The following ANO4 variants were observed in gnomAD, a reference collection of about 807,000 sequenced individuals.
ANO4 encodes anoctamin 4, also known as anoctamin-4.
In ANO4, 69 loss-of-function variants were observed where a neutral mutation model predicts 141.9. That is an observed-to-expected ratio of 0.49 (90% CI 0.40 to 0.59). The LOEUF (loss-of-function observed/expected upper bound fraction) is 0.59, where lower values mean the gene tolerates loss of function less well. ANO4 is among the 20% of genes least tolerant of loss of function. The pLI is 0.00. For synonymous variants in ANO4, 350 were observed against 394.3 expected, an observed-to-expected ratio of 0.89 and a Z score of 1.33; for missense variants, 894 against 1,162.2, an observed-to-expected ratio of 0.77 and a Z score of 3.36.
At chr12:100,983,628 C>T (rs1400463909) in intron 7 of ANO4, among the ~76,000 whole-genome samples, 1 of 152,186 alleles carries the variant, frequency 6.6e-6, no homozygotes, top group Non-Finnish European at 1.5e-5. Flanking sequence ...GCATTCCTTG[C>T]CTCCTAGCTC....
intron 22 of ANO4, among the ~76,000 whole-genome samples, chr12:101,108,728 T>C (rs1024193192): frequency 6.6e-6 from 1 of 152,158 alleles, no homozygotes; most frequent in African/African-American, 2.4e-5. Context: ...AAATTTTATT[T>C]TTTTATTTTC....
intron 14 of ANO4, among the ~76,000 whole-genome samples, chr12:101,066,159 C>T (rs1267992251): frequency 6.6e-6 from 1 of 152,186 alleles, no homozygotes; most frequent in East Asian, 1.9e-4. Flanking sequence ...TAGTATCATA[C>T]TGAGTGGGGA....
chr12:100,781,718 A>G (rs1191415334), intron 3 of ANO4, among the ~76,000 whole-genome samples: 1 of 152,222 alleles, frequency 6.6e-6, no homozygotes, highest in Non-Finnish European at 1.5e-5. Context: ...GTTTTGCTAC[A>G]TAGGGCTCCT....
intron 1 of ANO4, among the ~76,000 whole-genome samples, chr12:100,810,877 A>G (rs1277638798): frequency 2.0e-5 from 3 of 152,138 alleles, no homozygotes; most frequent in Non-Finnish European, 4.4e-5. Flanking sequence ...CTAAACTTTT[A>G]TTATTTGTAT....
In ANO4 at chr12:100,883,032, T is replaced by C. The variant is rs143830144; in HGVS notation, c.-140-18614T>C. ...CTGTTTATGCTCTTTGTTGATTCCC[T>C]ATTGTGCTCCTAACTACCACAATCG... On this transcript the variant is annotated intron_variant, in intron 1 of 27. Coordinates refer to ENST00000392977, the MANE Select transcript of ANO4 (RefSeq NM_001286615.2). Among the ~76,000 whole-genome samples the C allele has an allele frequency of 2.4e-3, 365 of 152,280 alleles. 2 individuals carry two copies. Among genetic ancestry groups the C allele is most frequent in the East Asian group, 0.018 (94 of 5,170 alleles).
At chr12:100,777,434 C>A (rs1450962201) in intron 3 of ANO4, among the ~76,000 whole-genome samples, 1 of 151,610 alleles carries the variant, frequency 6.6e-6, no homozygotes, top group African/African-American at 2.4e-5. Context: ...ATCCTGATTT[C>A]TATGCCTTTT....
chr12:101,121,995 G>T (rs1355717160), intron 26 of ANO4, among the ~76,000 whole-genome samples: 2 of 152,046 alleles, frequency 1.3e-5, no homozygotes, highest in Non-Finnish European at 2.9e-5. Context: ...CTGACCTCAT[G>T]ATCCATCCGC....
intron 9 of ANO4, among the ~76,000 whole-genome samples, chr12:101,028,172 A>AGTG (rs2046820012): frequency 1.3e-5 from 2 of 152,212 alleles, no homozygotes; most frequent in African/African-American, 4.8e-5. Flanking sequence ...AACCCCATCC[A>AGTG]GTGGTCAGCT....
chr12:100,836,623 T>C (rs2036935722), intron 1 of ANO4, among the ~76,000 whole-genome samples: 1 of 151,636 alleles, frequency 6.6e-6, no homozygotes, highest in Admixed American at 6.6e-5. Context: ...TATCTGGGAG[T>C]GCTTTGAGAA....
intron 14 of ANO4, chr12:101,068,934 T>C: frequency 3.7e-6 from 3 of 804,622 alleles, no homozygotes; most frequent in Non-Finnish European, 6.7e-6. Flanking sequence ...TCGAAGCTGC[T>C]AAGGATCTCT....
At chr12:100,778,193 A>G (rs192703148) in intron 3 of ANO4, among the ~76,000 whole-genome samples, 1 of 152,302 alleles carries the variant, frequency 6.6e-6, no homozygotes, top group African/African-American at 2.4e-5. Context: ...TGCTGGGATT[A>G]CAGGTGTAAG....
intron 8 of ANO4, among the ~76,000 whole-genome samples, chr12:101,013,909 AAAAG>A (rs2046206177): frequency 6.6e-6 from 1 of 152,330 alleles, no homozygotes; most frequent in African/African-American, 2.4e-5. Context: ...GTTTAGGAAA[AAAAG>A]AAAGTTACCT....
At chr12:100,968,634 A>G (rs2136261872) in intron 5 of ANO4, among the ~76,000 whole-genome samples, 1 of 152,326 alleles carries the variant, frequency 6.6e-6, no homozygotes, top group South Asian at 2.1e-4. Flanking sequence ...GATCTGAAGT[A>G]TATCTTCATA....
At chr12:100,800,320 G>A (rs2034604194) in intron 1 of ANO4, among the ~76,000 whole-genome samples, 1 of 152,180 alleles carries the variant, frequency 6.6e-6, no homozygotes, top group Admixed American at 6.5e-5. Context: ...AGATCTAGTG[G>A]TGAGACAGCC....
At chr12:101,094,681 G>C (rs1481686482) in intron 18 of ANO4, among the ~76,000 whole-genome samples, 2 of 152,128 alleles carry the variant, frequency 1.3e-5, no homozygotes, top group African/African-American at 2.4e-5. Context: ...TCACAGCAAA[G>C]TTAGTTTCTT....
At chr12:101,019,383 CACACACACAT>C (rs1363290403) in intron 8 of ANO4, among the ~76,000 whole-genome samples, 1 of 152,000 alleles carries the variant, frequency 6.6e-6, no homozygotes, top group Non-Finnish European at 1.5e-5. Flanking sequence ...TGTGTGTGCG[CACACACACAT>C]ACACACACAT....
At chr12:100,818,569 ATAATAGAATGTT>A (rs1435314312) in intron 1 of ANO4, among the ~76,000 whole-genome samples, 1 of 151,990 alleles carries the variant, frequency 6.6e-6, no homozygotes, top group Non-Finnish European at 1.5e-5. Context: ...AAAACAAATA[ATAATAGAATGTT>A]TAATGGGAGA....
upstream of ANO4, among the ~76,000 whole-genome samples, chr12:100,792,779 A>T (rs2034092386): frequency 6.6e-6 from 1 of 152,190 alleles, no homozygotes; most frequent in Admixed American, 6.5e-5. Context: ...AACAGTATTA[A>T]TCTCAATTCA....
intron 22 of ANO4, among the ~76,000 whole-genome samples, chr12:101,104,656 TATATATATATATATAA>T (rs1218918388): frequency 0.013 from 836 of 64,084 alleles, 15 homozygotes; most frequent in African/African-American, 0.06. Context: ...TATATATATA[TATATATATATATATAA>T]ATAAAAAGAT....
Sources: gnomAD v4.1 joint callset for allele counts (sites outside exome capture counted in the v4.1 genomes callset) on GRCh38, gnomAD v4.1.1 for gene constraint, MANE v1.5 for transcripts, NCBI Gene and HGNC (gene_info 2026-07-23, HGNC 2026-07-21) for gene names.